Variants in FMNL2 observed in about 807,000 individuals in gnomAD.
FMNL2 encodes the protein formin-like protein 2.
Under a neutral mutation model 130.2 loss-of-function variants are expected in FMNL2, and 51 were observed. That is an observed-to-expected ratio of 0.39 (90% CI 0.31 to 0.49). The LOEUF (loss-of-function observed/expected upper bound fraction) is 0.49, where lower values mean the gene tolerates loss of function less well. Among genes scored for constraint, FMNL2 ranks in the 20% least tolerant of loss-of-function variants. The pLI is 0.85. For missense variants in FMNL2, 977 were observed against 1,316.2 expected, an observed-to-expected ratio of 0.74 and a Z score of 3.99; for synonymous variants, 465 against 467.1, an observed-to-expected ratio of 1.00 and a Z score of 0.06.
At chr2:152,376,083 G>A (rs891076996) in intron 1 of FMNL2, among the ~76,000 whole-genome samples, 10 of 151,770 alleles carry the variant, frequency 6.6e-5, no homozygotes, top group Admixed American at 2.6e-4. Context: ...TAGTAGAGAC[G>A]GGGTTTCACC....
chr2:152,636,689 C>G, intron 22 of FMNL2, 99 bp downstream of exon 22: 1 of 1,369,004 alleles, frequency 7.3e-7, no homozygotes, highest in Non-Finnish European at 9.8e-7. Context: ...CCATTTCCCT[C>G]TGTTTGTGGA....
chr2:152,358,623 C>T (rs995972226), intron 1 of FMNL2, among the ~76,000 whole-genome samples: 20 of 146,320 alleles, frequency 1.4e-4, no homozygotes, highest in African/African-American at 5.2e-4. Context: ...GGTGACAGAG[C>T]AAGACTGCAT....
chr2:152,377,922 G>A (rs116640083), intron 1 of FMNL2, among the ~76,000 whole-genome samples: 2,066 of 151,998 alleles, frequency 0.014, 48 homozygotes, highest in African/African-American at 0.048. Context: ...GCTTGAACCC[G>A]GAAGTTCAAG....
intron 1 of FMNL2, among the ~76,000 whole-genome samples, chr2:152,424,001 C>G (rs1006881985): frequency 6.6e-6 from 1 of 152,104 alleles, no homozygotes; most frequent in African/African-American, 2.4e-5. Context: ...AGGGGGAAGG[C>G]CTTTTGATCT....
chr2:152,372,877 G>C (rs1380368742), intron 1 of FMNL2, among the ~76,000 whole-genome samples: 1 of 152,206 alleles, frequency 6.6e-6, no homozygotes, highest in African/African-American at 2.4e-5. Flanking sequence ...GGCACATACT[G>C]ATTTGGAATA....
chr2:152,485,894 C>G (rs889203260), intron 1 of FMNL2, among the ~76,000 whole-genome samples: 2 of 152,136 alleles, frequency 1.3e-5, no homozygotes, highest in Non-Finnish European at 2.9e-5. Flanking sequence ...AACAAAATTG[C>G]TTATTAAACC....
chr2:152,522,051 T>TA (rs1482750689), intron 2 of FMNL2, 25 bp downstream of exon 2: 3 of 1,570,396 alleles, frequency 1.9e-6, no homozygotes, highest in Non-Finnish European at 2.6e-6. Flanking sequence ...CACTTTCTTT[T>TA]ATGAAAAAAG....
chr2:152,337,032 AG>A (rs1159346611), intron 1 of FMNL2, among the ~76,000 whole-genome samples: 3 of 152,290 alleles, frequency 2.0e-5, no homozygotes, highest in South Asian at 4.1e-4. Flanking sequence ...TGGTATGGGA[AG>A]TGATGTTCTG....
At chr2:152,381,768 G>T (rs898903665) in intron 1 of FMNL2, among the ~76,000 whole-genome samples, 1 of 151,912 alleles carries the variant, frequency 6.6e-6, no homozygotes, top group African/African-American at 2.4e-5. Context: ...TAAGAAACTC[G>T]ATAACTCTTG....
At chr2:152,416,268 A>ATTTG (rs1320058074) in intron 1 of FMNL2, among the ~76,000 whole-genome samples, 16 of 152,176 alleles carry the variant, frequency 1.1e-4, no homozygotes, top group Admixed American at 7.9e-4. Context: ...GTGAAAGAGG[A>ATTTG]TACAAAGATA....
At chr2:152,460,431 C>G (rs975980644) in intron 1 of FMNL2, among the ~76,000 whole-genome samples, 5 of 152,198 alleles carry the variant, frequency 3.3e-5, no homozygotes, top group Admixed American at 3.3e-4. Flanking sequence ...TCACAAAGCT[C>G]AGTTAAAATT....
At chr2:152,643,380 T>C (rs1394938009) in intron 25 of FMNL2, 1 of 1,535,174 alleles carries the variant, frequency 6.5e-7, no homozygotes, top group Non-Finnish European at 8.7e-7. Context: ...CTTTTTATTC[T>C]CTTCTGTTTG....
intron 1 of FMNL2, among the ~76,000 whole-genome samples, chr2:152,465,807 G>T (rs551331412): frequency 2.6e-5 from 4 of 152,180 alleles, no homozygotes; most frequent in Non-Finnish European, 1.5e-5. Flanking sequence ...GTGGGCTTGC[G>T]CCTAGAGCAA....
intron 6 of FMNL2, among the ~76,000 whole-genome samples, chr2:152,564,477 T>C (rs1695705194): frequency 1.3e-5 from 2 of 152,184 alleles, no homozygotes; most frequent in Admixed American, 1.3e-4. Context: ...ATCCCAGCAC[T>C]TTGGGAGACA....
intron 6 of FMNL2, among the ~76,000 whole-genome samples, chr2:152,561,739 A>T (rs1695543426): frequency 6.6e-6 from 1 of 151,952 alleles, no homozygotes; most frequent in Non-Finnish European, 1.5e-5. Flanking sequence ...ATGCCCAGCT[A>T]ATTTTTTTTT....
chr2:152,590,008 TAC>T lies in FMNL2; in HGVS notation c.876+8961_876+8962del, dbSNP rs1223593365. Among the ~76,000 whole-genome samples, 75 of 86,772 alleles carry T rather than the reference TAC, an allele frequency of 8.6e-4. 1 individual carries two copies. The highest frequency in any genetic ancestry group is 2.2e-3 in the African/African-American group (55 of 25,338). The allele number at this position is 86,772 out of a possible 152,430, so 56.9% of individuals were successfully genotyped here. A position where few individuals can be genotyped will look rare whatever the true frequency, so the allele number is the denominator to read the frequency against. On this transcript the variant is annotated intron_variant, in intron 9 of 25. Transcript: ENST00000288670. ...ATGTATATGTATATGTATATATATA[TAC>T]ATATACATATATATATACATATACA...
Position 152,386,278 on chromosome 2 carries a change from C to T in FMNL2, c.117+50558C>T, listed in dbSNP as rs141304031. 2.6e-5 allele frequency among the ~76,000 whole-genome samples: 4 copies of T among 152,296 alleles called. No homozygotes were observed. In the East Asian group the frequency reaches 7.7e-4, roughly 29 times the overall value. On this transcript the variant is annotated intron_variant, in intron 1 of 25. Coordinates refer to ENST00000288670, the MANE Select transcript of FMNL2 (RefSeq NM_052905.4). ...CAGAGTCTTATCCTTTCACTGTAAT[C>T]CCGGGTGCACACTTGGATTCTTGAT...
At chr2:152,639,074 T>C (rs965433459) in intron 23 of FMNL2, among the ~76,000 whole-genome samples, 3 of 152,072 alleles carry the variant, frequency 2.0e-5, no homozygotes, top group African/African-American at 7.2e-5. Flanking sequence ...TCACAGCTGA[T>C]TCAGTGAAGC....
At chr2:152,564,092 T>C (rs1695679469) in intron 6 of FMNL2, among the ~76,000 whole-genome samples, 1 of 152,174 alleles carries the variant, frequency 6.6e-6, no homozygotes, top group African/African-American at 2.4e-5. Context: ...CACTCTGTTA[T>C]CATATTATGA....
Sources: allele counts gnomAD v4.1 joint callset (sites outside exome capture counted in the v4.1 genomes callset), GRCh38; gene constraint gnomAD v4.1.1; transcripts MANE v1.5; gene names NCBI Gene and HGNC (gene_info 2026-07-23, HGNC 2026-07-21).